The following FUT8 variants were observed in gnomAD, a reference collection of about 807,000 sequenced individuals.
FUT8 encodes the protein alpha-(1,6)-fucosyltransferase.
Under a neutral mutation model 71.3 loss-of-function variants are expected in FUT8, and 29 were observed. That is an observed-to-expected ratio of 0.41 (90% confidence interval 0.30 to 0.55). FUT8 has a LOEUF of 0.55. Among genes scored for constraint, FUT8 ranks in the 20% least tolerant of loss-of-function variants. The pLI is 0.34. For synonymous variants in FUT8, 254 were observed against 239.3 expected (o/e 1.06, Z -0.57); for missense variants, 544 against 702.1 (o/e 0.77, Z 2.55).
At chr14:65,494,990 A>G (rs980010156) in intron 2 of FUT8, among the ~76,000 whole-genome samples, 3 of 152,058 alleles carry the variant, frequency 2.0e-5, no homozygotes, top group Non-Finnish European at 4.4e-5. Flanking sequence ...TAAAAACTCA[A>G]TGCTTTTTCT....
chr14:65,702,243 G>T (rs1400747879), intron 7 of FUT8, among the ~76,000 whole-genome samples: 6 of 152,030 alleles, frequency 3.9e-5, no homozygotes, highest in African/African-American at 1.2e-4. Context: ...TACTCAGGAG[G>T]CTGAGGCAGG....
Position 65,462,278 on chromosome 14 carries a change from A to G in FUT8, c.-228+6560A>G, listed in dbSNP as rs115007839. Among the ~76,000 whole-genome samples, 1,089 of 152,338 alleles carry G rather than the reference A, an allele frequency of 7.1e-3. 12 individuals carry two copies. Among genetic ancestry groups the G allele is most frequent in the African/African-American group, 0.025 (1,051 of 41,574 alleles). ...TTGGGTGAAGCTAATTAATGAAGAC[A>G]TTAGGTAAACATGATGTTTGCCCTG... On this transcript the variant is annotated intron_variant, in intron 2 of 10. Coordinates refer to ENST00000673929, the MANE Select transcript of FUT8 (RefSeq NM_001371533.1).
chr14:65,638,565 A>G lies in FUT8; in HGVS notation c.597+8959A>G, dbSNP rs1354428669. 6.6e-6 allele frequency among the ~76,000 whole-genome samples: 1 copy of G among 152,158 alleles called. No homozygotes were observed. The highest frequency in any genetic ancestry group is 1.5e-5 in the Non-Finnish European group (1 of 68,024). On this transcript the variant is annotated intron_variant, in intron 6 of 10. Coordinates refer to ENST00000673929, the MANE Select transcript of FUT8 (RefSeq NM_001371533.1). The surrounding 1 kb of genome is among the most constrained non-coding windows in gnomAD (Gnocchi z 4.5). The stretch of plus-strand genomic sequence containing the variant: ...TATTGGAGAAATAGAAAACTTCTCC[A>G]GTGACAGTATATGATCCTTTGGAAT...
At chr14:65,477,758 A>G (rs1449196103) in intron 2 of FUT8, among the ~76,000 whole-genome samples, 1 of 152,168 alleles carries the variant, frequency 6.6e-6, no homozygotes, top group Non-Finnish European at 1.5e-5. Flanking sequence ...CTTTTCTCAT[A>G]TCTTCTAGCC....
intron 7 of FUT8, among the ~76,000 whole-genome samples, chr14:65,690,279 ATAAAG>A (rs1893508834): frequency 6.6e-6 from 1 of 152,102 alleles, no homozygotes; most frequent in Non-Finnish European, 1.5e-5. Flanking sequence ...TACTTTATAT[ATAAAG>A]TAATCTTCAA....
chr14:65,522,728 C>A (rs899785720), intron 2 of FUT8, among the ~76,000 whole-genome samples: 2 of 135,476 alleles, frequency 1.5e-5, no homozygotes, highest in Non-Finnish European at 3.2e-5. Flanking sequence ...CCCCCTCCCC[C>A]CACCCCGCAA....
chr14:65,514,469 A>G (rs1464706722), intron 2 of FUT8, among the ~76,000 whole-genome samples: 1 of 152,226 alleles, frequency 6.6e-6, no homozygotes, highest in Non-Finnish European at 1.5e-5. Flanking sequence ...GTAGTTAACA[A>G]TGTACGTATG....
rs1289722929 is a variant in FUT8 at position 65,489,835 on chromosome 14, C to T, written c.-228+34117C>T. On this transcript the variant is annotated intron_variant, in intron 2 of 10. Transcript: ENST00000673929. The surrounding 1 kb of genome is among the most constrained non-coding windows in gnomAD (Gnocchi z 4.0). ...GGCATGGCAAGGGAGAAGAAACTTA[C>T]ATGCAAGTTTTTGCACAAATATCAA... Among the ~76,000 whole-genome samples, 2 of 152,038 alleles carry T rather than the reference C, an allele frequency of 1.3e-5. No homozygotes were observed. The highest frequency in any genetic ancestry group is 4.8e-5 in the African/African-American group (2 of 41,420).
At chr14:65,596,389 G>A (rs965298131) in intron 3 of FUT8, among the ~76,000 whole-genome samples, 1 of 152,134 alleles carries the variant, frequency 6.6e-6, no homozygotes, top group African/African-American at 2.4e-5. Context: ...TATTCACTTA[G>A]AACTCTTGAT....
chr14:65,733,208 T>G (rs774107369), intron 9 of FUT8, 23 bp from the exon 10 acceptor site: 1 of 1,500,888 alleles, frequency 6.7e-7, no homozygotes, highest in Non-Finnish European at 9.2e-7. Context: ...TATGACCATC[T>G]ATAAATTAAT....
chr14:65,356,975 C>G, the FUT8 span, among the ~76,000 whole-genome samples: 2 of 152,278 alleles, frequency 1.3e-5, no homozygotes, highest in Non-Finnish European at 2.9e-5. The surrounding 1 kb of genome is among the most constrained non-coding windows in gnomAD (Gnocchi z 4.6). Flanking sequence ...AGCACTGGGA[C>G]AAAGTTCTCC....
chr14:65,738,971 G>A (rs1468172434), intron 10 of FUT8, among the ~76,000 whole-genome samples: 1 of 151,928 alleles, frequency 6.6e-6, no homozygotes, highest in East Asian at 1.9e-4. Context: ...TTATCCTAAG[G>A]GAATATATAC....
At chr14:65,554,392 A>G (rs1252608505) in intron 2 of FUT8, among the ~76,000 whole-genome samples, 1 of 146,508 alleles carries the variant, frequency 6.8e-6, no homozygotes, top group Non-Finnish European at 1.5e-5. Context: ...TCTTTTGACT[A>G]TGGTTTGGGT....
At chr14:65,571,810 C>T (rs959155160) in intron 3 of FUT8, among the ~76,000 whole-genome samples, 3 of 151,954 alleles carry the variant, frequency 2.0e-5, no homozygotes, top group African/African-American at 7.2e-5. Context: ...TTTCAGGCAA[C>T]AAAAGTATTA....
intron 1 of FUT8, among the ~76,000 whole-genome samples, chr14:65,447,462 G>A (rs1207225277): frequency 6.6e-6 from 1 of 151,996 alleles, no homozygotes; most frequent in Non-Finnish European, 1.5e-5. Flanking sequence ...AATAATGAAG[G>A]AAAAGGACTT....
chr14:65,494,634 G>A (rs1380741357), intron 2 of FUT8, among the ~76,000 whole-genome samples: 3 of 152,112 alleles, frequency 2.0e-5, no homozygotes, highest in Non-Finnish European at 4.4e-5. Context: ...TGGGATACAT[G>A]TGCAGAATGT....
At chr14:65,573,036 T>C (rs756904026) in intron 3 of FUT8, among the ~76,000 whole-genome samples, 1 of 152,142 alleles carries the variant, frequency 6.6e-6, no homozygotes, top group African/African-American at 2.4e-5. Flanking sequence ...TGGACTCTGA[T>C]ATTTGGATTG....
intron 7 of FUT8, among the ~76,000 whole-genome samples, chr14:65,677,181 T>G (rs1375722875): frequency 7.8e-6 from 1 of 127,912 alleles, no homozygotes; most frequent in Admixed American, 8.2e-5. Flanking sequence ...CACGTATGTG[T>G]GTGCGCATGT....
the FUT8 span, among the ~76,000 whole-genome samples, chr14:65,362,152 G>A: frequency 6.6e-6 from 1 of 152,190 alleles, no homozygotes; most frequent in Non-Finnish European, 1.5e-5. Flanking sequence ...CTGAAGAGCA[G>A]ATTCCCAGGC....
Sources: gnomAD v4.1 joint callset for allele counts (sites outside exome capture counted in the v4.1 genomes callset) on GRCh38, gnomAD v4.1.1 for gene constraint, Gnocchi (gnomAD v3.1) non-coding constraint, MANE v1.5 for transcripts, NCBI Gene and HGNC (gene_info 2026-07-23, HGNC 2026-07-21) for gene names.